Variants in PDE4D observed in about 807,000 individuals in gnomAD.
The protein encoded by PDE4D is phosphodiesterase 4D.
A neutral mutation model predicts 87.4 loss-of-function variants in PDE4D; 24 were observed. That is an observed-to-expected ratio of 0.27 (90% CI 0.20 to 0.39). The LOEUF is 0.39. PDE4D is among the 10% of genes least tolerant of loss of function. The pLI is 1.00. For synonymous variants in PDE4D, 384 were observed against 383.2 expected (o/e 1.00, Z -0.02); for missense variants, 714 against 1,041.0 (o/e 0.69, Z 4.32).
chr5:59,460,120 T>C lies in PDE4D; in HGVS notation c.456-244152A>G, dbSNP rs147053428. Among the ~76,000 whole-genome samples the C allele has an allele frequency of 6.0e-3, 910 of 152,174 alleles. 7 individuals carry two copies. The highest frequency in any genetic ancestry group is 0.017 in the Middle Eastern group (5 of 292). The stretch of plus-strand genomic sequence containing the variant: ...AGAAAGTAGAAAACAGACAAAATTA[T>C]AGTATATATACCATATATGCTTGAT... On this transcript the variant is annotated intron_variant, in intron 1 of 14. Transcript: ENST00000340635.
At chr5:59,864,202 G>C (rs966490076) in intron 1 of PDE4D, among the ~76,000 whole-genome samples, 2 of 152,116 alleles carry the variant, frequency 1.3e-5, no homozygotes, top group Admixed American at 1.3e-4. Flanking sequence ...TGGAGTCCAG[G>C]GGATGCTGAG....
In PDE4D at chr5:59,395,881, G is replaced by T. The variant is rs1225496459; in HGVS notation, c.456-179913C>A. ...ACTAGAATAACCAATACAGAGAAGT[G>T]CTTAAAGGAGCTGATGGAGCTGAAA... is the stretch of plus-strand genomic sequence containing the variant. On this transcript the variant is annotated intron_variant, in intron 1 of 14. Transcript: ENST00000340635. 1.7e-5 allele frequency among the ~76,000 whole-genome samples: 2 copies of T among 119,124 alleles called. 1 individual carries two copies. The highest frequency in any genetic ancestry group is 3.6e-5 in the Non-Finnish European group (2 of 56,208). 78.1% of individuals were successfully genotyped at this position (119,124 alleles called of 152,430 possible).
At chr5:59,826,603 G>C (rs1279977098) in intron 1 of PDE4D, among the ~76,000 whole-genome samples, 2 of 151,922 alleles carry the variant, frequency 1.3e-5, no homozygotes, top group Non-Finnish European at 1.5e-5. Flanking sequence ...TAAGTACCAA[G>C]TACCAAAGAG....
intron 2 of PDE4D, among the ~76,000 whole-genome samples, chr5:60,123,524 T>C (rs967522910): frequency 6.6e-6 from 1 of 152,096 alleles, no homozygotes; most frequent in African/African-American, 2.4e-5. Context: ...GAGAGCAGTA[T>C]GGGGGAAAGT....
intron 1 of PDE4D, among the ~76,000 whole-genome samples, chr5:60,320,367 G>A (rs142275593): frequency 0.011 from 1,636 of 152,172 alleles, 11 homozygotes; most frequent in Middle Eastern, 0.048. Context: ...CTGATTTTCC[G>A]GATGCCGTCT....
intron 1 of PDE4D, among the ~76,000 whole-genome samples, chr5:59,801,981 C>T (rs1421664492): frequency 6.6e-6 from 1 of 152,014 alleles, no homozygotes; most frequent in Non-Finnish European, 1.5e-5. Context: ...CAGAGAAAAA[C>T]TCAGAAGGAA....
intron 1 of PDE4D, among the ~76,000 whole-genome samples, chr5:59,365,803 C>T (rs1271172911): frequency 6.6e-6 from 1 of 152,088 alleles, no homozygotes; most frequent in Non-Finnish European, 1.5e-5. Flanking sequence ...TGGCAGTAAG[C>T]TTTTTCTCAA....
intron 1 of PDE4D, among the ~76,000 whole-genome samples, chr5:59,269,352 T>C (rs917115855): frequency 6.6e-6 from 1 of 152,128 alleles, no homozygotes; most frequent in Non-Finnish European, 1.5e-5. Context: ...AAAATAAACT[T>C]GTAAAAAATA....
At chr5:59,441,798 A>C (rs1797657959) in intron 1 of PDE4D, among the ~76,000 whole-genome samples, 1 of 152,230 alleles carries the variant, frequency 6.6e-6, no homozygotes, top group Non-Finnish European at 1.5e-5. Flanking sequence ...TAGCAAGCTT[A>C]AATAACTATT....
At chr5:59,668,079 T>C (rs984701127) in intron 1 of PDE4D, among the ~76,000 whole-genome samples, 17 of 152,216 alleles carry the variant, frequency 1.1e-4, no homozygotes, top group South Asian at 8.3e-4. Context: ...ATAATGACTA[T>C]AGCAGTTCAA....
intron 1 of PDE4D, among the ~76,000 whole-genome samples, chr5:59,699,700 T>G (rs1029111505): frequency 6.6e-6 from 1 of 152,210 alleles, no homozygotes; most frequent in Non-Finnish European, 1.5e-5. Flanking sequence ...CCTTTGTTTA[T>G]GGACACTGAC....
chr5:60,001,756 C>T (rs887311378), intron 2 of PDE4D, among the ~76,000 whole-genome samples: 3 of 151,232 alleles, frequency 2.0e-5, no homozygotes, highest in Admixed American at 6.6e-5. Context: ...CACAAAATGA[C>T]GGGGGAAAGT....
intron 2 of PDE4D, among the ~76,000 whole-genome samples, chr5:60,172,423 G>A (rs188173878): frequency 6.6e-6 from 1 of 152,020 alleles, no homozygotes; most frequent in East Asian, 1.9e-4. Context: ...TACCTCCAAA[G>A]GGACAGGTGC....
At chr5:59,349,008 G>T (rs62358011) in intron 1 of PDE4D, among the ~76,000 whole-genome samples, 29,847 of 152,040 alleles carry the variant, frequency 0.2, 3,105 homozygotes, top group Middle Eastern at 0.27. Context: ...TTGAGCCTAG[G>T]AGTTTGAGGC....
At chr5:59,923,441 C>T (rs537838632) in intron 3 of PDE4D, among the ~76,000 whole-genome samples, 2 of 152,190 alleles carry the variant, frequency 1.3e-5, no homozygotes, top group Non-Finnish European at 2.9e-5. Flanking sequence ...TGACCCAGCG[C>T]CATCCCAGTG....
At chr5:59,101,542 T>C (rs1009281247) in intron 5 of PDE4D, among the ~76,000 whole-genome samples, 7 of 152,150 alleles carry the variant, frequency 4.6e-5, no homozygotes, top group African/African-American at 1.4e-4. Context: ...GAGTTAGAAG[T>C]GGACAGTCAG....
At chr5:59,144,304 C>T (rs914454210) in intron 5 of PDE4D, among the ~76,000 whole-genome samples, 1 of 152,160 alleles carries the variant, frequency 6.6e-6, no homozygotes, top group African/African-American at 2.4e-5. Context: ...GTTTCACTTT[C>T]CTTGTTTCTA....
Position 60,459,837 on chromosome 5 carries a change from A to C in PDE4D, c.-90+28105T>G, listed in dbSNP as rs55804026. On this transcript the variant is annotated intron_variant, in intron 1 of 16. Transcript: ENST00000502484. ...TTTTTAAACAGGAAAGTTGGAACCT[A>C]TCAGTGTTCTAGTAATCTTTTCCTT... is the stretch of plus-strand genomic sequence containing the variant. 97 of 571,058 alleles carry C rather than the reference A, an allele frequency of 1.7e-4. No individual in the cohort carries two copies. The Middle Eastern group carries it at 2.9e-3, about 17-fold the overall frequency. The allele number at this position is 571,058 out of a possible 1,614,324, so 35.4% of individuals were successfully genotyped here.
chr5:59,455,423 G>C (rs149226625), intron 1 of PDE4D, among the ~76,000 whole-genome samples: 2 of 152,348 alleles, frequency 1.3e-5, no homozygotes, highest in East Asian at 1.9e-4. Context: ...TGAGCCTGCA[G>C]GTGCACAGAA....
Sources: allele counts gnomAD v4.1 joint callset (sites outside exome capture counted in the v4.1 genomes callset), GRCh38; gene constraint gnomAD v4.1.1; transcripts MANE v1.5; gene names NCBI Gene and HGNC (gene_info 2026-07-23, HGNC 2026-07-21).